The following DCLK1 variants were observed in gnomAD, a reference collection of about 807,000 sequenced individuals.
The protein encoded by DCLK1 is serine/threonine-protein kinase DCLK1.
A neutral mutation model predicts 86.2 loss-of-function variants in DCLK1; 16 were observed. The ratio of observed to expected loss-of-function variants is 0.19; its 90% confidence interval spans 0.13 to 0.28. DCLK1 has a LOEUF of 0.28. Ranked by LOEUF, DCLK1 falls within the 10% of genes least tolerant of loss-of-function variation. DCLK1 has a pLI of 1.00. For synonymous variants in DCLK1, 369 were observed against 370.5 expected, an observed-to-expected ratio of 1.00 and a Z score of 0.05; for missense variants, 590 against 940.2, an observed-to-expected ratio of 0.63 and a Z score of 4.87.
At chr13:36,068,564 CTTT>C (rs10591840) in intron 3 of DCLK1, among the ~76,000 whole-genome samples, 5 of 150,526 alleles carry the variant, frequency 3.3e-5, no homozygotes, top group African/African-American at 7.3e-5. Context: ...AGAGAACAGT[CTTT>C]TTTTTTTTAA....
At chr13:35,990,585 C>T (rs1046986191) in intron 3 of DCLK1, among the ~76,000 whole-genome samples, 1 of 152,126 alleles carries the variant, frequency 6.6e-6, no homozygotes. Context: ...GTAATAAACA[C>T]CTGTTCTCCA....
chr13:36,122,166 G>A (rs1390101629), intron 2 of DCLK1, among the ~76,000 whole-genome samples: 2 of 152,156 alleles, frequency 1.3e-5, no homozygotes, highest in East Asian at 1.9e-4. Context: ...CCCAGAGGCT[G>A]TGGTAGGAAA....
At chr13:35,943,431 A>T (rs1877194468) in intron 4 of DCLK1, among the ~76,000 whole-genome samples, 1 of 152,202 alleles carries the variant, frequency 6.6e-6, no homozygotes, top group Non-Finnish European at 1.5e-5. Flanking sequence ...CAGCCCTAGG[A>T]AATTCATTCA....
At chr13:35,829,403 T>A (rs1324451550) in intron 8 of DCLK1, among the ~76,000 whole-genome samples, 1 of 152,176 alleles carries the variant, frequency 6.6e-6, no homozygotes, top group Non-Finnish European at 1.5e-5. Context: ...TACCTATAGA[T>A]AAAAGCCAAT....
intron 4 of DCLK1, among the ~76,000 whole-genome samples, chr13:35,883,354 T>G (rs1308609873): frequency 6.6e-6 from 1 of 151,940 alleles, no homozygotes; most frequent in African/African-American, 2.4e-5. Context: ...CCAGCAAGAG[T>G]TCTCCCAACA....
At chr13:36,111,442 G>A (rs369116984) in intron 3 of DCLK1, among the ~76,000 whole-genome samples, 15 of 152,126 alleles carry the variant, frequency 9.9e-5, no homozygotes, top group South Asian at 4.2e-4. Context: ...TCTCACTAGC[G>A]AACACTACAA....
In DCLK1 at chr13:36,125,880, G is replaced by T; in HGVS notation, c.258C>A (p.Ala86=). The part of the protein sequence containing the change: ...ISPDRFRSFE[A]LLADLTRTLS... ...GAGTTCGGGTCAAATCAGCCAGCAG[G>T]GCCTCAAAAGATCGGAACCGGTCTG... Residue 86 remains alanine (A), a synonymous_variant, in exon 2 of 17, where the codon GCC becomes GCA. Coordinates refer to ENST00000360631, the MANE Select transcript of DCLK1 (RefSeq NM_001330071.2). 1.2e-6 allele frequency: 2 copies of T among 1,614,132 alleles called. No homozygotes were observed. The highest frequency in any genetic ancestry group is 1.7e-6 in the Non-Finnish European group (2 of 1,180,030).
intron 3 of DCLK1, among the ~76,000 whole-genome samples, chr13:36,027,576 A>G (rs1882094171): frequency 6.6e-6 from 1 of 152,270 alleles, no homozygotes; most frequent in Non-Finnish European, 1.5e-5. Context: ...TGAACATGTC[A>G]ACAACTGATC....
chr13:35,981,483 C>T (rs1265852256), intron 3 of DCLK1, among the ~76,000 whole-genome samples: 1 of 152,118 alleles, frequency 6.6e-6, no homozygotes, highest in Non-Finnish European at 1.5e-5. Context: ...ACCTACATTG[C>T]CACATCACTA....
At chr13:35,865,680 C>T (rs72652876) in intron 5 of DCLK1, among the ~76,000 whole-genome samples, 11,538 of 152,244 alleles carry the variant, frequency 0.076, 495 homozygotes, top group Middle Eastern at 0.11. Flanking sequence ...ACTAGTTGGT[C>T]TGTAACTGAT....
At chr13:35,880,692 T>C (rs564741537) in intron 4 of DCLK1, among the ~76,000 whole-genome samples, 19 of 152,292 alleles carry the variant, frequency 1.2e-4, no homozygotes, top group South Asian at 1.0e-3. Flanking sequence ...CCCAACCTCA[T>C]TGGCATTAAA....
intron 3 of DCLK1, among the ~76,000 whole-genome samples, chr13:36,020,472 CT>C (rs1881728731): frequency 6.6e-6 from 1 of 152,150 alleles, no homozygotes; most frequent in African/African-American, 2.4e-5. Flanking sequence ...TATTAAACAG[CT>C]GACTCTAAGG....
intron 4 of DCLK1, among the ~76,000 whole-genome samples, chr13:35,900,907 T>A (rs1250914230): frequency 6.6e-6 from 1 of 152,060 alleles, no homozygotes; most frequent in Non-Finnish European, 1.5e-5. Context: ...CTATTCTCAA[T>A]AAGAACAGGG....
intron 11 of DCLK1, among the ~76,000 whole-genome samples, chr13:35,814,336 T>C (rs1366143265): frequency 1.3e-5 from 2 of 152,172 alleles, no homozygotes; most frequent in Non-Finnish European, 2.9e-5. Context: ...CAGCCATAAA[T>C]CCACTTTGAA....
intron 4 of DCLK1, among the ~76,000 whole-genome samples, chr13:35,933,304 T>C (rs1449866566): frequency 2.0e-5 from 3 of 152,300 alleles, no homozygotes; most frequent in Non-Finnish European, 2.9e-5. Flanking sequence ...TGGTGCAAGC[T>C]GTCGGCAGAT....
intron 12 of DCLK1, among the ~76,000 whole-genome samples, chr13:35,810,488 C>T (rs751882304): frequency 5.3e-5 from 8 of 152,214 alleles, no homozygotes; most frequent in Non-Finnish European, 8.8e-5. Context: ...AATCACCGCA[C>T]ACGGCAGTGT....
intron 3 of DCLK1, among the ~76,000 whole-genome samples, chr13:36,076,054 C>A (rs1200223901): frequency 6.6e-6 from 1 of 152,150 alleles, no homozygotes; most frequent in South Asian, 2.1e-4. Flanking sequence ...TCTTCTTGAT[C>A]CTTCCTTCAA....
At chr13:35,958,181 A>AACCACCATCATCATC (rs1566620789) in intron 3 of DCLK1, among the ~76,000 whole-genome samples, 5 of 108,194 alleles carry the variant, frequency 4.6e-5, no homozygotes, top group African/African-American at 1.2e-4. Context: ...TCACCACTAT[A>AACCACCATCATCATC]ACCACCACTA....
intron 4 of DCLK1, among the ~76,000 whole-genome samples, chr13:35,911,755 T>G (rs931464149): frequency 2.0e-5 from 3 of 152,210 alleles, no homozygotes; most frequent in Admixed American, 6.5e-5. Context: ...GGTTTAGGAC[T>G]TTAGTGGTCA....
Sources: allele counts gnomAD v4.1 joint callset (sites outside exome capture counted in the v4.1 genomes callset), GRCh38; gene constraint gnomAD v4.1.1; transcripts MANE v1.5; gene names NCBI Gene and HGNC (gene_info 2026-07-23, HGNC 2026-07-21).